Variants in ANKS1B observed in about 807,000 individuals in gnomAD.
ANKS1B encodes ankyrin repeat and sterile alpha motif domain-containing protein 1B.
ANKS1B carries 36 observed loss-of-function variants against 148.3 expected under a neutral mutation model. The ratio of observed to expected loss-of-function variants is 0.24; its 90% CI spans 0.19 to 0.32. The LOEUF is 0.32. Ranked by LOEUF, ANKS1B falls within the 10% of genes least tolerant of loss-of-function variation. The pLI is 1.00. For missense variants in ANKS1B, 1,157 were observed against 1,542.6 expected (o/e 0.75, Z 4.19); for synonymous variants, 542 against 560.8 (o/e 0.97, Z 0.47).
intron 9 of ANKS1B, among the ~76,000 whole-genome samples, chr12:99,645,333 C>G (rs1349201220): frequency 6.6e-6 from 1 of 152,128 alleles, no homozygotes; most frequent in East Asian, 1.9e-4. Context: ...TTGAATTAAA[C>G]AATTCCCAGA....
At chr12:98,737,154 C>T (rs1409542788) in intron 9 of ANKS1B, among the ~76,000 whole-genome samples, 2 of 152,212 alleles carry the variant, frequency 1.3e-5, no homozygotes, top group South Asian at 2.1e-4. Context: ...CTGGCAACAG[C>T]CCCAGCTGCC....
intron 1 of ANKS1B, among the ~76,000 whole-genome samples, chr12:99,937,437 G>A (rs2094807171): frequency 6.6e-6 from 1 of 152,132 alleles, no homozygotes. Flanking sequence ...AGGAAAACAA[G>A]TCTCAGAGTT....
At chr12:99,669,101 T>A (rs1474805164) in intron 8 of ANKS1B, among the ~76,000 whole-genome samples, 2 of 152,206 alleles carry the variant, frequency 1.3e-5, no homozygotes, top group Non-Finnish European at 2.9e-5. Context: ...CTATCAAATC[T>A]GTAATTCCAG....
chr12:99,155,860 C>G (rs1291721092), intron 14 of ANKS1B, among the ~76,000 whole-genome samples: 1 of 152,114 alleles, frequency 6.6e-6, no homozygotes, highest in African/African-American at 2.4e-5. Context: ...TCTCACGAAG[C>G]CTCAATTTAT....
At chr12:99,206,229 G>T (rs2082650796) in intron 14 of ANKS1B, among the ~76,000 whole-genome samples, 1 of 152,090 alleles carries the variant, frequency 6.6e-6, no homozygotes, top group African/African-American at 2.4e-5. Flanking sequence ...TATAAAGATA[G>T]TTCCTAATTT....
At chr12:99,387,765 A>G (rs896194366) in intron 12 of ANKS1B, among the ~76,000 whole-genome samples, 2 of 152,010 alleles carry the variant, frequency 1.3e-5, no homozygotes, top group Non-Finnish European at 2.9e-5. Context: ...AACTCAGGAA[A>G]GTTAATTTCT....
intron 8 of ANKS1B, among the ~76,000 whole-genome samples, chr12:99,732,896 T>C (rs558008020): frequency 6.6e-6 from 1 of 152,328 alleles, no homozygotes; most frequent in South Asian, 2.1e-4. Flanking sequence ...AGTGAAAATA[T>C]TCTTTTGTCA....
intron 12 of ANKS1B, among the ~76,000 whole-genome samples, chr12:99,324,255 T>G (rs2085881809): frequency 6.6e-6 from 1 of 152,184 alleles, no homozygotes; most frequent in Admixed American, 6.5e-5. Context: ...TTTATTTGTA[T>G]TTACTCATAT....
chr12:99,486,583 A>G (rs1209206640), intron 10 of ANKS1B, among the ~76,000 whole-genome samples: 3 of 152,066 alleles, frequency 2.0e-5, no homozygotes, highest in African/African-American at 7.2e-5. Flanking sequence ...AGCTGTGGCT[A>G]AAGCAAGTAG....
intron 17 of ANKS1B, among the ~76,000 whole-genome samples, chr12:98,978,480 C>CTG (rs960163192): frequency 2.0e-5 from 3 of 151,798 alleles, no homozygotes; most frequent in East Asian, 1.9e-4. Context: ...TATGTGCAAA[C>CTG]TGTGTGTGTG....
intron 14 of ANKS1B, among the ~76,000 whole-genome samples, chr12:99,159,656 G>A (rs2076440797): frequency 6.6e-6 from 1 of 152,152 alleles, no homozygotes; most frequent in African/African-American, 2.4e-5. Context: ...TTGATGCCGT[G>A]TCTTTGTTAT....
chr12:99,570,837 G>A (rs531373446), intron 9 of ANKS1B, among the ~76,000 whole-genome samples: 315 of 152,158 alleles, frequency 2.1e-3, no homozygotes, highest in African/African-American at 6.9e-3. Context: ...AATTGTTAAA[G>A]ATAGGTTTAA....
At chr12:99,067,457 T>C (rs1184204125) in intron 16 of ANKS1B, among the ~76,000 whole-genome samples, 2 of 152,078 alleles carry the variant, frequency 1.3e-5, no homozygotes, top group Non-Finnish European at 2.9e-5. Context: ...CTTCAGTGAG[T>C]ATGAAGAGGA....
chr12:99,354,533 A>G (rs2091784948), intron 12 of ANKS1B, among the ~76,000 whole-genome samples: 1 of 152,056 alleles, frequency 6.6e-6, no homozygotes, highest in Non-Finnish European at 1.5e-5. Context: ...TATAACAGAC[A>G]CTCACTAAAT....
chr12:98,828,327 A>G (rs548606422), intron 19 of ANKS1B, among the ~76,000 whole-genome samples: 6 of 152,326 alleles, frequency 3.9e-5, no homozygotes, highest in African/African-American at 1.4e-4. Context: ...GTTGAGAAAA[A>G]TATTTAACAA....
intron 1 of ANKS1B, among the ~76,000 whole-genome samples, chr12:99,954,576 A>C (rs2095284215): frequency 1.3e-5 from 2 of 152,204 alleles, no homozygotes; most frequent in South Asian, 4.1e-4. Flanking sequence ...ATTTATATGG[A>C]AAGATGTAAC....
chr12:99,882,648 G>A (rs984878851), intron 1 of ANKS1B, among the ~76,000 whole-genome samples: 1 of 152,146 alleles, frequency 6.6e-6, no homozygotes, highest in Admixed American at 6.5e-5. Context: ...TGCGGGAAAG[G>A]GTGGGGAAGG....
intron 14 of ANKS1B, among the ~76,000 whole-genome samples, chr12:99,208,063 A>C (rs1422916959): frequency 6.6e-6 from 1 of 152,096 alleles, no homozygotes; most frequent in Non-Finnish European, 1.5e-5. Flanking sequence ...GGAATTATTG[A>C]TCTGTTCTTA....
intron 17 of ANKS1B, among the ~76,000 whole-genome samples, chr12:98,855,093 A>G (rs1442126703): frequency 6.7e-6 from 1 of 149,478 alleles, no homozygotes; most frequent in East Asian, 2.0e-4. Flanking sequence ...CGGGAAGCGG[A>G]GCTTGCAGTG....
Sources: allele counts gnomAD v4.1 joint callset (sites outside exome capture counted in the v4.1 genomes callset), GRCh38; gene constraint gnomAD v4.1.1; transcripts MANE v1.5; gene names NCBI Gene and HGNC (gene_info 2026-07-23, HGNC 2026-07-21).